GABRR1: variants seen among roughly 807,000 people sequenced by gnomAD.
GABRR1 encodes the protein gamma-aminobutyric acid receptor subunit rho-1.
GABRR1 carries 59 observed loss-of-function variants against 55.5 expected under a neutral mutation model. The ratio of observed to expected loss-of-function variants is 1.06; its 90% confidence interval spans 0.86 to 1.32. The LOEUF (loss-of-function observed/expected upper bound fraction) is 1.32. GABRR1 is among the 40% of genes most tolerant of loss of function. The pLI is 0.00. For missense variants in GABRR1, 602 were observed against 619.1 expected, an observed-to-expected ratio of 0.97 and a Z score of 0.29; for synonymous variants, 213 against 226.0, an observed-to-expected ratio of 0.94 and a Z score of 0.51.
intron 6 of GABRR1, among the ~76,000 whole-genome samples, chr6:89,187,877 A>G (rs888231297): frequency 2.6e-5 from 4 of 152,214 alleles, no homozygotes; most frequent in African/African-American, 9.6e-5. Flanking sequence ...CCATTGATGG[A>G]CACTTGGGTT....
intron 1 of GABRR1, among the ~76,000 whole-genome samples, chr6:89,214,615 C>T (rs1200877079): frequency 1.3e-5 from 2 of 152,094 alleles, no homozygotes; most frequent in South Asian, 2.1e-4. Flanking sequence ...TTTTTCAAAA[C>T]AAGACATACA....
chr6:89,182,204 AGTG>A, intron 7 of GABRR1, 147 bp from the exon 8 acceptor site: 1 of 760,384 alleles, frequency 1.3e-6, no homozygotes, highest in South Asian at 2.2e-5. Context: ...CATGAAACAA[AGTG>A]ATTATATAGT....
chr6:89,178,825 A>G lies in GABRR1; in HGVS notation c.1385T>C (p.Ile462Thr), dbSNP rs773678062. 1 of 1,614,168 alleles carries G rather than the reference A, an allele frequency of 6.2e-7. No individual in the cohort carries two copies. The highest frequency in any genetic ancestry group is 8.5e-7 in the Non-Finnish European group (1 of 1,179,988). ...THAIDKYSRI[I>T]FPAAYILFNL... ...GAATAAAATGTATGCTGCTGGAAAG[A>G]TGATCCTGGAGTATTTATCAATGGC... The change falls in exon 10 of 10, where the codon ATC becomes ACC. Residue 462 changes from isoleucine (I) to threonine (T), a missense_variant. Coordinates refer to ENST00000454853, the MANE Select transcript of GABRR1 (RefSeq NM_002042.5).
chr6:89,198,154 G>A lies in GABRR1; in HGVS notation c.438C>T (p.Asp146=), dbSNP rs422751. ...CCCAGATCTTCTTGACCAGCCGGCC[G>A]TCAAACGTCATGCTGAGGTTGTTGG... ...PSTNNLSMTF[D]GRLVKKIWVP... Residue 146 remains aspartate (D), a synonymous_variant, in exon 5 of 10, where the codon GAC becomes GAT. Coordinates refer to ENST00000454853, the MANE Select transcript of GABRR1 (RefSeq NM_002042.5). 0.82 allele frequency: 1,330,240 copies of A among 1,613,662 alleles called. 550,706 individuals carry two copies. Among genetic ancestry groups the A allele is most frequent in the East Asian group, 0.96 (43,207 of 44,870 alleles).
In GABRR1 at chr6:89,177,760, A is replaced by T. The variant is rs1771589290; in HGVS notation, c.*1010T>A. The T allele has an allele frequency of 6.6e-6, 1 of 152,186 alleles. No homozygotes were observed. The highest frequency in any genetic ancestry group is 2.4e-5 in the African/African-American group (1 of 41,432). The allele number at this position is 152,186 out of a possible 1,614,324, so 9.4% of individuals were successfully genotyped here. ...GTCCATAGAAAATGCTGGTATTTCG[A>T]GTATAAATGCAGATGTCCAGTGATA... On this transcript the variant is annotated 3_prime_UTR_variant, in exon 10 of 10. Transcript: ENST00000454853.
intron 6 of GABRR1, among the ~76,000 whole-genome samples, chr6:89,189,217 T>C (rs1226049101): frequency 6.6e-6 from 1 of 152,032 alleles, no homozygotes; most frequent in East Asian, 1.9e-4. Context: ...CACACGTATG[T>C]TTATTGCGGC....
chr6:89,204,656 C>T, intron 1 of GABRR1: 1 of 1,287,276 alleles, frequency 7.8e-7, no homozygotes, highest in South Asian at 1.2e-5. Context: ...TTGTCAAATT[C>T]TGAGATGCCA....
intron 3 of GABRR1, 138 bp from the exon 4 acceptor site, chr6:89,199,567 C>T: frequency 1.5e-6 from 1 of 688,686 alleles, no homozygotes; most frequent in Non-Finnish European, 2.5e-6. Flanking sequence ...AACCTGAAGT[C>T]AAACCAGAGA....
intron 1 of GABRR1, among the ~76,000 whole-genome samples, chr6:89,226,813 T>TA (rs1163438696): frequency 3.9e-5 from 3 of 77,846 alleles, no homozygotes; most frequent in Non-Finnish European, 7.7e-5. Context: ...AAGTCATTGG[T>TA]AGCTTGATGG....
At chr6:89,214,813 C>A (rs1319531296) in intron 1 of GABRR1, among the ~76,000 whole-genome samples, 2 of 152,068 alleles carry the variant, frequency 1.3e-5, no homozygotes, top group Non-Finnish European at 2.9e-5. Context: ...TCACTTGAAG[C>A]CAGGAGCTCG....
intron 1 of GABRR1, among the ~76,000 whole-genome samples, chr6:89,215,660 G>C (rs996087768): frequency 1.3e-5 from 2 of 152,118 alleles, no homozygotes; most frequent in African/African-American, 4.8e-5. Flanking sequence ...CAAAAGTGCT[G>C]AGTAAATTTC....
In GABRR1 at chr6:89,178,726, T is replaced by C; in HGVS notation, c.*44A>G. ...CTTTTTCATTATACAGTTATTTCTG[T>C]AGTGCATGCCATGGAAATGTGAAAT... On this transcript the variant is annotated 3_prime_UTR_variant, in exon 10 of 10. Transcript: ENST00000454853. The C allele has an allele frequency of 6.6e-7, 1 of 1,503,904 alleles. No individual in the cohort carries two copies. The highest frequency in any genetic ancestry group is 9.2e-7 in the Non-Finnish European group (1 of 1,082,318). The allele number at this position is 1,503,904 out of a possible 1,614,324, so 93.2% of individuals were successfully genotyped here.
At chr6:89,193,873 A>C (rs763042018) in intron 5 of GABRR1, among the ~76,000 whole-genome samples, 1 of 152,160 alleles carries the variant, frequency 6.6e-6, no homozygotes, top group East Asian at 1.9e-4. Flanking sequence ...CTGAGATGCC[A>C]GTAGGAGAAC....
In GABRR1 at chr6:89,179,028, A is replaced by C. The variant is rs767431536; in HGVS notation, c.1182T>G (p.Thr394=). 5.0e-6 allele frequency: 8 copies of C among 1,614,138 alleles called. No individual in the cohort carries two copies. Among genetic ancestry groups the C allele is most frequent in the East Asian group, 2.2e-5 (1 of 44,872 alleles). Reference sequence around the variant, plus strand: ...CACTGTAGTTGCCGTCCAGCATCGCAGTGCGGGGCGGAGGTAATCCGCTGG... The same window carrying C: ...CACTGTAGTTGCCGTCCAGCATCGCCGTGCGGGGCGGAGGTAATCCGCTGG... The part of the protein sequence containing the change: ...PCTSGLPPPR[T]AMLDGNYSDG... Residue 394 remains threonine, a synonymous_variant, in exon 10 of 10, where the codon ACT becomes ACG. Coordinates refer to ENST00000454853, the MANE Select transcript of GABRR1 (RefSeq NM_002042.5).
In GABRR1 at chr6:89,180,455, A is replaced by G; in HGVS notation, c.983T>C (p.Ile328Thr). The part of the protein sequence containing the change: ...ITTVLTMSTI[I>T]TGVNASMPRV... ...CGGCATGGAGGCATTCACGCCCGTG[A>G]TGATGGTGGACATGGTCAGCACCGT... The change falls in exon 9 of 10, where the codon ATC (isoleucine) becomes ACC (threonine). Residue 328 changes from isoleucine (I) to threonine (T), a missense_variant. Coordinates refer to ENST00000454853, the MANE Select transcript of GABRR1 (RefSeq NM_002042.5). 3 of 1,614,018 alleles carry G rather than the reference A, an allele frequency of 1.9e-6. No individual in the cohort carries two copies. The highest frequency in any genetic ancestry group is 2.2e-5 in the South Asian group (2 of 91,078).
upstream of GABRR1, chr6:89,217,583 G>T (rs772898474): frequency 1.2e-5 from 4 of 340,920 alleles, no homozygotes; most frequent in African/African-American, 2.1e-5. Context: ...TATTTTAGCC[G>T]GTCTAAATTA....
chr6:89,217,356 C>G lies in GABRR1; in HGVS notation c.-34G>C. The G allele has an allele frequency of 1.9e-6, 3 of 1,602,412 alleles. No homozygotes were observed. The highest frequency in any genetic ancestry group is 2.6e-6 in the Non-Finnish European group (3 of 1,171,654). The stretch of plus-strand genomic sequence containing the variant: ...AAATTCAAACAGCTCTCTCCAGAAA[C>G]AGCAAAAAGGAAAAGATTGTTCTTT... On this transcript the variant is annotated 5_prime_UTR_variant, in exon 1 of 10. Coordinates refer to ENST00000454853, the MANE Select transcript of GABRR1 (RefSeq NM_002042.5).
upstream of GABRR1, among the ~76,000 whole-genome samples, chr6:89,220,321 T>C (rs1331556541): frequency 1.3e-5 from 2 of 152,276 alleles, no homozygotes; most frequent in Middle Eastern, 3.4e-3. Flanking sequence ...CCCAGTTAGT[T>C]TGATGGCAGG....
At chr6:89,186,409 T>C (rs988312366) in intron 6 of GABRR1, among the ~76,000 whole-genome samples, 18 of 152,236 alleles carry the variant, frequency 1.2e-4, no homozygotes, top group Admixed American at 9.8e-4. Context: ...TGAGGCTTCC[T>C]GGAAGAAGAA....
Sources: gnomAD v4.1 joint callset for allele counts (sites outside exome capture counted in the v4.1 genomes callset) on GRCh38, gnomAD v4.1.1 for gene constraint, MANE v1.5 for transcripts, NCBI Gene and HGNC (gene_info 2026-07-23, HGNC 2026-07-21) for gene names.